The following CDH13 variants were observed in gnomAD, a reference collection of about 807,000 sequenced individuals.
CDH13 encodes the protein cadherin 13.
In CDH13, 24 loss-of-function variants were observed where a neutral mutation model predicts 63.8. That is an observed-to-expected ratio of 0.38 (90% CI 0.27 to 0.53). The LOEUF (loss-of-function observed/expected upper bound fraction) is 0.53, where lower values mean the gene tolerates loss of function less well. CDH13 is among the 20% of genes least tolerant of loss of function. CDH13 has a pLI of 0.85. For missense variants in CDH13, 1,049 were observed against 903.1 expected, an observed-to-expected ratio of 1.16 and a Z score of -2.07; for synonymous variants, 503 against 355.3, an observed-to-expected ratio of 1.42 and a Z score of -4.67.
intron 10 of CDH13, among the ~76,000 whole-genome samples, chr16:83,707,895 A>G (rs545096253): frequency 6.8e-6 from 1 of 146,330 alleles, no homozygotes; most frequent in South Asian, 2.2e-4. Context: ...GAAGGCAAGA[A>G]TACTTTATTT....
chr16:83,507,918 G>T (rs996041362), intron 7 of CDH13, among the ~76,000 whole-genome samples: 1 of 151,398 alleles, frequency 6.6e-6, no homozygotes, highest in African/African-American at 2.4e-5. Context: ...TGTAATTCCA[G>T]CTACTCAGGA....
At chr16:83,486,707 C>T in intron 7 of CDH13, 52 bp downstream of exon 7, 2 of 1,545,078 alleles carry the variant, frequency 1.3e-6, no homozygotes, top group Non-Finnish European at 8.9e-7. Context: ...ATGTGGCTTT[C>T]ATGCAAGGGA....
At chr16:82,677,712 T>A (rs1017223252) in intron 1 of CDH13, among the ~76,000 whole-genome samples, 9 of 152,160 alleles carry the variant, frequency 5.9e-5, no homozygotes, top group African/African-American at 2.2e-4. Context: ...CTGACAGATA[T>A]TTTTTAAAGG....
chr16:83,034,295 C>G (rs1161710630), intron 3 of CDH13, among the ~76,000 whole-genome samples: 1 of 152,130 alleles, frequency 6.6e-6, no homozygotes, highest in African/African-American at 2.4e-5. Context: ...AACCTATCTG[C>G]CATTCCTGGG....
intron 2 of CDH13, among the ~76,000 whole-genome samples, chr16:83,019,020 G>C (rs950208413): frequency 3.3e-5 from 5 of 152,180 alleles, no homozygotes; most frequent in Non-Finnish European, 5.9e-5. Context: ...CAGGACTATA[G>C]ACTTTATAAA....
chr16:83,027,102 A>ACCCCCCCCCCCCCCCCC (rs79185242), intron 2 of CDH13, among the ~76,000 whole-genome samples: 1 of 100,902 alleles, frequency 9.9e-6, no homozygotes, highest in African/African-American at 4.1e-5. Context: ...CAGAAGGGAG[A>ACCCCCCCCCCCCCCCCC]CCCCCCCCCC....
chr16:83,011,839 C>G (rs566091660), intron 2 of CDH13, among the ~76,000 whole-genome samples: 2 of 152,318 alleles, frequency 1.3e-5, no homozygotes, highest in Admixed American at 6.5e-5. Flanking sequence ...GGGTCTTGCT[C>G]TTTGCTGGAT....
chr16:82,746,244 ACT>A, intron 1 of CDH13, among the ~76,000 whole-genome samples: 1 of 87,214 alleles, frequency 1.1e-5, no homozygotes, highest in South Asian at 4.9e-4. Flanking sequence ...ATATAAACAC[ACT>A]GTTTATATAT....
chr16:83,081,642 C>T (rs568520973), intron 3 of CDH13, among the ~76,000 whole-genome samples: 1 of 151,996 alleles, frequency 6.6e-6, no homozygotes, highest in African/African-American at 2.4e-5. Flanking sequence ...GACCTGTCCT[C>T]TTGGTTCACA....
intron 2 of CDH13, among the ~76,000 whole-genome samples, chr16:82,904,355 C>T (rs1181371112): frequency 6.6e-6 from 1 of 152,162 alleles, no homozygotes; most frequent in Non-Finnish European, 1.5e-5. Flanking sequence ...TATTTAGTCT[C>T]TCATTTTCTC....
At chr16:83,531,057 T>G (rs1420083250) in intron 7 of CDH13, among the ~76,000 whole-genome samples, 3 of 152,218 alleles carry the variant, frequency 2.0e-5, no homozygotes, top group Non-Finnish European at 4.4e-5. Context: ...TAAATAACTT[T>G]CTTCCGGTAA....
intron 1 of CDH13, among the ~76,000 whole-genome samples, chr16:82,789,844 C>G (rs560799191): frequency 2.0e-5 from 3 of 152,274 alleles, no homozygotes; most frequent in Non-Finnish European, 4.4e-5. Flanking sequence ...ACTGACCAGC[C>G]TGTCCACAGA....
At chr16:83,536,433 A>G (rs1282680735) in intron 7 of CDH13, among the ~76,000 whole-genome samples, 2 of 152,064 alleles carry the variant, frequency 1.3e-5, no homozygotes, top group African/African-American at 4.8e-5. Flanking sequence ...CTGAGCAAGA[A>G]TGGGTAGAAA....
chr16:83,472,230 G>T (rs1477091802), intron 6 of CDH13, among the ~76,000 whole-genome samples: 1 of 152,194 alleles, frequency 6.6e-6, no homozygotes, highest in Admixed American at 6.5e-5. Context: ...GCAGAGCTGG[G>T]ACTGAAACTG....
intron 5 of CDH13, among the ~76,000 whole-genome samples, chr16:83,266,518 A>T (rs180907315): frequency 1.3e-5 from 2 of 152,292 alleles, no homozygotes; most frequent in Admixed American, 1.3e-4. Context: ...ATTCCTCAGA[A>T]AGTCTTATCA....
intron 13 of CDH13, among the ~76,000 whole-genome samples, chr16:83,786,719 C>T (rs1016878505): frequency 6.6e-6 from 1 of 152,078 alleles, no homozygotes; most frequent in Non-Finnish European, 1.5e-5. Flanking sequence ...TCCCAGGTAG[C>T]TAGGATTACA....
intron 1 of CDH13, among the ~76,000 whole-genome samples, chr16:82,832,385 C>T (rs1346790688): frequency 1.3e-5 from 2 of 152,142 alleles, no homozygotes; most frequent in South Asian, 2.1e-4. Flanking sequence ...TGTTTTACAG[C>T]AAGTAGGTAC....
At chr16:83,014,744 ATAT>A (rs1364321723) in intron 2 of CDH13, among the ~76,000 whole-genome samples, 1,363 of 31,788 alleles carry the variant, frequency 0.043, 94 homozygotes, top group Non-Finnish European at 0.059. Context: ...AAAAAAAAAA[ATAT>A]ATATATATAT....
intron 6 of CDH13, among the ~76,000 whole-genome samples, chr16:83,394,519 G>A (rs569322047): frequency 1.3e-5 from 2 of 152,272 alleles, no homozygotes; most frequent in South Asian, 2.1e-4. Context: ...GTGAGAAGGG[G>A]AGCAGAAGCA....
Sources: gnomAD v4.1 joint callset for allele counts (sites outside exome capture counted in the v4.1 genomes callset) on GRCh38, gnomAD v4.1.1 for gene constraint, MANE v1.5 for transcripts, NCBI Gene and HGNC (gene_info 2026-07-23, HGNC 2026-07-21) for gene names.